AGBL1: variants seen among roughly 807,000 people sequenced by gnomAD.
AGBL1 encodes AGBL carboxypeptidase 1, also known as cytosolic carboxypeptidase 4.
A neutral mutation model predicts 118.9 loss-of-function variants in AGBL1; 130 were observed. The ratio of observed to expected loss-of-function variants is 1.09; its 90% confidence interval spans 0.95 to 1.26. The LOEUF (loss-of-function observed/expected upper bound fraction) is 1.26, where lower values mean the gene tolerates loss of function less well. Ranked by LOEUF, AGBL1 falls within the 50% of genes most tolerant of loss-of-function variation. The pLI is 0.00. For missense variants in AGBL1, 1,584 were observed against 1,298.1 expected, an observed-to-expected ratio of 1.22 and a Z score of -3.38; for synonymous variants, 555 against 478.9, an observed-to-expected ratio of 1.16 and a Z score of -2.08.
rs1488916666 is a variant in AGBL1, at chr15:86,745,740, C to A, written c.3158+71304C>A. Among the ~76,000 whole-genome samples the A allele has an allele frequency of 2.6e-5, 4 of 152,212 alleles. 1 individual carries two copies. Among genetic ancestry groups the A allele is most frequent in the Non-Finnish European group, 1.5e-5 (1 of 67,986 alleles). On this transcript the variant is annotated intron_variant, in intron 22 of 22. Coordinates refer to ENST00000614907, the MANE Select transcript of AGBL1 (RefSeq NM_001386094.1). ...GTAACTCAGGTCTTTGGTGTATAAG[C>A]CTCTCCTACTGGTAGCCAGTCATTA...
chr15:86,769,061 C>T (rs1483758884), intron 22 of AGBL1, among the ~76,000 whole-genome samples: 1 of 151,852 alleles, frequency 6.6e-6, no homozygotes, highest in African/African-American at 2.4e-5. Flanking sequence ...CATCAGTTGC[C>T]AGTGTCCAAT....
intron 21 of AGBL1, among the ~76,000 whole-genome samples, chr15:86,623,828 C>T (rs1189832565): frequency 1.3e-5 from 2 of 152,228 alleles, no homozygotes; most frequent in African/African-American, 4.8e-5. Flanking sequence ...AGTGCATACA[C>T]TTCTGTGGAT....
chr15:86,530,356 CAAAG>C (rs1378975557), intron 19 of AGBL1, among the ~76,000 whole-genome samples: 1 of 134,150 alleles, frequency 7.5e-6, no homozygotes, highest in Non-Finnish European at 1.5e-5. Flanking sequence ...TCAAAGGAGA[CAAAG>C]AAGGCCATTA....
At chr15:86,331,511 C>G (rs1038082652) in intron 17 of AGBL1, among the ~76,000 whole-genome samples, 6 of 152,008 alleles carry the variant, frequency 3.9e-5, no homozygotes, top group African/African-American at 1.4e-4. Context: ...CCAGACTGTC[C>G]AAGGTCAACA....
intron 17 of AGBL1, among the ~76,000 whole-genome samples, chr15:86,356,685 A>C (rs1806957465): frequency 6.6e-6 from 1 of 152,178 alleles, no homozygotes; most frequent in Non-Finnish European, 1.5e-5. Context: ...AAGCAGGGCT[A>C]CAGTTCCTGA....
At chr15:86,253,958 C>A (rs74596820) in intron 7 of AGBL1, among the ~76,000 whole-genome samples, 7,301 of 152,056 alleles carry the variant, frequency 0.048, 235 homozygotes, top group South Asian at 0.12. Flanking sequence ...TCAGAGGGCA[C>A]AAGGGGAAGG....
chr15:86,464,255 T>C (rs1018145612), intron 18 of AGBL1, among the ~76,000 whole-genome samples: 1 of 152,226 alleles, frequency 6.6e-6, no homozygotes, highest in Non-Finnish European at 1.5e-5. Flanking sequence ...ATTATTGGTG[T>C]ATAGGAATGC....
chr15:86,548,207 G>T (rs1373787957), intron 20 of AGBL1, among the ~76,000 whole-genome samples: 1 of 152,112 alleles, frequency 6.6e-6, no homozygotes, highest in Non-Finnish European at 1.5e-5. Context: ...ATGCTTAGAG[G>T]CTGATTCCTT....
At chr15:86,142,958 A>G (rs1392468117) in intron 2 of AGBL1, among the ~76,000 whole-genome samples, 1 of 152,200 alleles carries the variant, frequency 6.6e-6, no homozygotes, top group Non-Finnish European at 1.5e-5. Context: ...GTCTTTGATA[A>G]TGTACCACCC....
chr15:86,397,611 C>T (rs2081387903), intron 18 of AGBL1, 65 bp downstream of exon 18: 2 of 1,472,642 alleles, frequency 1.4e-6, no homozygotes, highest in African/African-American at 1.4e-5. Flanking sequence ...TGTCATTTCA[C>T]CAAGTAGGCG....
chr15:86,456,181 A>G (rs1019246819), intron 18 of AGBL1, among the ~76,000 whole-genome samples: 1 of 152,228 alleles, frequency 6.6e-6, no homozygotes, highest in Non-Finnish European at 1.5e-5. Flanking sequence ...ACAATGGCAT[A>G]GCTTGTCTTT....
chr15:86,710,187 G>A (rs1329511687), intron 22 of AGBL1, among the ~76,000 whole-genome samples: 1 of 149,326 alleles, frequency 6.7e-6, no homozygotes, highest in African/African-American at 2.5e-5. Context: ...AGAAAAAAAT[G>A]TGACAGCCAA....
At chr15:86,669,486 A>G (rs2085703662) in intron 21 of AGBL1, among the ~76,000 whole-genome samples, 1 of 152,204 alleles carries the variant, frequency 6.6e-6, no homozygotes, top group Admixed American at 6.5e-5. Context: ...TGACAGAGGT[A>G]AGGGAGAGGC....
chr15:86,241,101 G>C (rs1037460194), intron 6 of AGBL1, among the ~76,000 whole-genome samples: 3 of 152,162 alleles, frequency 2.0e-5, no homozygotes. Flanking sequence ...GTAAAGAGGA[G>C]TGTTTCATTG....
At chr15:86,284,734 C>T (rs1241343502) in intron 16 of AGBL1, among the ~76,000 whole-genome samples, 1 of 152,148 alleles carries the variant, frequency 6.6e-6, no homozygotes, top group African/African-American at 2.4e-5. Context: ...TAGTGCTTCT[C>T]ACTTTATCAG....
intron 22 of AGBL1, among the ~76,000 whole-genome samples, chr15:86,785,366 TTTTTTTTTTTTTG>T (rs1370615729): frequency 7.2e-6 from 1 of 138,272 alleles, no homozygotes; most frequent in Non-Finnish European, 1.6e-5. Context: ...GGTTCTTTTT[TTTTTTTTTTTTTG>T]TTTTTGTTTT....
intron 18 of AGBL1, among the ~76,000 whole-genome samples, chr15:86,499,441 G>A (rs2082892965): frequency 6.6e-6 from 1 of 151,796 alleles, no homozygotes; most frequent in South Asian, 2.1e-4. Flanking sequence ...CAGGAAAGCT[G>A]GGCTTAGACA....
chr15:87,017,315 C>A (rs1336967198), intron 24 of AGBL1, among the ~76,000 whole-genome samples: 1 of 152,230 alleles, frequency 6.6e-6, no homozygotes, highest in Non-Finnish European at 1.5e-5. Context: ...TCCCTGATAC[C>A]ATTCTTCCAG....
intron 22 of AGBL1, among the ~76,000 whole-genome samples, chr15:86,876,889 A>G (rs1354705455): frequency 6.6e-6 from 1 of 152,192 alleles, no homozygotes; most frequent in Non-Finnish European, 1.5e-5. Flanking sequence ...AGGGTTGTTG[A>G]AAGGTTTGAA....
Sources: gnomAD v4.1 joint callset for allele counts (sites outside exome capture counted in the v4.1 genomes callset) on GRCh38, gnomAD v4.1.1 for gene constraint, MANE v1.5 for transcripts, NCBI Gene and HGNC (gene_info 2026-07-23, HGNC 2026-07-21) for gene names.